The following TAB2 variants were observed in gnomAD, a reference collection of about 807,000 sequenced individuals.
TAB2 encodes the protein TGF-beta-activated kinase 1 and MAP3K7-binding protein 2.
A neutral mutation model predicts 65.0 loss-of-function variants in TAB2; 3 were observed. The observed-to-expected ratio is 0.05, with a 90% CI of 0.02 to 0.12. The LOEUF (loss-of-function observed/expected upper bound fraction) is 0.12, where lower values mean the gene tolerates loss of function less well. Among genes scored for constraint, TAB2 ranks in the 10% least tolerant of loss-of-function variants. TAB2 has a pLI of 1.00. For missense variants in TAB2, 623 were observed against 840.3 expected (o/e 0.74, Z 3.20); for synonymous variants, 298 against 285.1 (o/e 1.05, Z -0.46).
chr6:149,321,760 A>T (rs1779462231), intron 1 of TAB2, among the ~76,000 whole-genome samples: 1 of 152,214 alleles, frequency 6.6e-6, no homozygotes, highest in Admixed American at 6.5e-5. Flanking sequence ...GTTTCAGGAC[A>T]TCCAAGTCAG....
intron 1 of TAB2, chr6:149,245,139 G>GA (rs900467240): frequency 3.9e-5 from 6 of 152,416 alleles, no homozygotes; most frequent in African/African-American, 1.4e-4. Flanking sequence ...AGACAGGTGA[G>GA]AAGCAACATT....
intron 1 of TAB2, among the ~76,000 whole-genome samples, chr6:149,293,477 A>G (rs2114696804): frequency 6.6e-6 from 1 of 152,308 alleles, no homozygotes; most frequent in African/African-American, 2.4e-5. Flanking sequence ...TGGTTTCAAA[A>G]TAGAACTGGT....
chr6:149,243,728 G>C (rs1333671433), intron 1 of TAB2: 2 of 152,154 alleles, frequency 1.3e-5, no homozygotes, highest in African/African-American at 4.8e-5. Context: ...TTTCTTAATA[G>C]TTTTCAATGC....
intron 1 of TAB2, among the ~76,000 whole-genome samples, chr6:149,308,502 T>G (rs756834005): frequency 6.0e-5 from 7 of 116,244 alleles, no homozygotes; most frequent in Admixed American, 9.1e-5. Context: ...TATTTTCTAT[T>G]TATTTATTTA....
intron 1 of TAB2, among the ~76,000 whole-genome samples, chr6:149,307,058 G>C (rs1024706701): frequency 6.6e-6 from 1 of 152,022 alleles, no homozygotes; most frequent in Non-Finnish European, 1.5e-5. Context: ...GTCCCCAAAG[G>C]CTGCCCCTCC....
intron 1 of TAB2, among the ~76,000 whole-genome samples, chr6:149,301,824 T>G (rs1449985519): frequency 6.6e-6 from 1 of 152,198 alleles, no homozygotes; most frequent in Non-Finnish European, 1.5e-5. Context: ...ATAAATCACT[T>G]TTATAAAGCT....
At chr6:149,250,814 T>C (rs1396389059) in intron 1 of TAB2, among the ~76,000 whole-genome samples, 1 of 152,214 alleles carries the variant, frequency 6.6e-6, no homozygotes, top group African/African-American at 2.4e-5. Context: ...TTGGTTATTC[T>C]TGGGAACTCA....
chr6:149,394,683 C>G (rs1216648586), intron 3 of TAB2, among the ~76,000 whole-genome samples: 1 of 152,168 alleles, frequency 6.6e-6, no homozygotes, highest in Non-Finnish European at 1.5e-5. Flanking sequence ...TCTTCAGATA[C>G]TTCCAGCAAT....
intron 1 of TAB2, among the ~76,000 whole-genome samples, chr6:149,219,443 A>G (rs1777095137): frequency 6.6e-6 from 1 of 152,166 alleles, no homozygotes; most frequent in African/African-American, 2.4e-5. Flanking sequence ...GGTCAAACTT[A>G]AGAGACTAGT....
At chr6:149,306,539 C>T (rs1292935929) in intron 1 of TAB2, among the ~76,000 whole-genome samples, 2 of 132,602 alleles carry the variant, frequency 1.5e-5, no homozygotes, top group Admixed American at 8.5e-5. Flanking sequence ...GCCCAGGCGA[C>T]AGAGCAAGAC....
chr6:149,310,096 CG>C (rs112757905), intron 1 of TAB2, among the ~76,000 whole-genome samples: 78,338 of 151,532 alleles, frequency 0.52, 20,809 homozygotes, highest in African/African-American at 0.65. Context: ...ATTTAGGAGG[CG>C]GGAGATGGGC....
intron 6 of TAB2, among the ~76,000 whole-genome samples, chr6:149,409,218 T>C (rs766841386): frequency 4.6e-5 from 7 of 152,236 alleles, no homozygotes; most frequent in South Asian, 2.1e-4. Context: ...ATGAGACTTA[T>C]GTACACTGAC....
chr6:149,353,797 A>G (rs1207624001), intron 1 of TAB2, among the ~76,000 whole-genome samples: 2 of 152,226 alleles, frequency 1.3e-5, no homozygotes, highest in Admixed American at 1.3e-4. Context: ...CAGTCATTTA[A>G]AACAATGCTT....
chr6:149,321,478 A>G (rs1415152487), intron 1 of TAB2: 1 of 152,144 alleles, frequency 6.6e-6, no homozygotes, highest in Non-Finnish European at 1.5e-5. Flanking sequence ...GGAATTAGAG[A>G]TTGCTAAGAG....
At chr6:149,346,482 T>C (rs1780306747) in intron 1 of TAB2, 1 of 149,544 alleles carries the variant, frequency 6.7e-6, no homozygotes, top group East Asian at 2.0e-4. Context: ...AGACAGAGTT[T>C]CGCTCTTGTT....
At chr6:149,403,295 C>CACATAT (rs1303915679) in intron 6 of TAB2, among the ~76,000 whole-genome samples, 2 of 76,472 alleles carry the variant, frequency 2.6e-5, no homozygotes, top group Non-Finnish European at 4.8e-5. Context: ...CACACACACA[C>CACATAT]ATATATATAT....
chr6:149,285,401 G>C lies in TAB2; in HGVS notation c.-121+66625G>C, dbSNP rs140881405. On this transcript the variant is annotated intron_variant, in intron 1 of 1. Coordinates refer to the TAB2 transcript ENST00000606202. ...TTCAACTCAGCCTTTCCTTAGAGGG[G>C]AGTGGTCTCCCATATCATCCAGAGG... is the stretch of plus-strand genomic sequence containing the variant. 4.4e-3 allele frequency among the ~76,000 whole-genome samples: 669 copies of C among 152,298 alleles called. 2 individuals carry two copies. The highest frequency in any genetic ancestry group is 7.1e-3 in the Non-Finnish European group (481 of 68,018).
At chr6:149,323,823 G>T (rs1157594321) in intron 1 of TAB2, among the ~76,000 whole-genome samples, 1 of 152,118 alleles carries the variant, frequency 6.6e-6, no homozygotes, top group African/African-American at 2.4e-5. Flanking sequence ...GAACAAATAG[G>T]ATGAAAAGTA....
chr6:149,252,906 C>T (rs1413092936), intron 1 of TAB2, among the ~76,000 whole-genome samples: 4 of 152,166 alleles, frequency 2.6e-5, no homozygotes, highest in Admixed American at 6.6e-5. Context: ...TTTGGTCCCA[C>T]GAGGAGAAGC....
Sources: allele counts gnomAD v4.1 joint callset (sites outside exome capture counted in the v4.1 genomes callset), GRCh38; gene constraint gnomAD v4.1.1; transcripts MANE v1.5; gene names NCBI Gene and HGNC (gene_info 2026-07-23, HGNC 2026-07-21).